PPFIA1: variants seen among roughly 807,000 people sequenced by gnomAD.
PPFIA1 encodes PPFI scaffold protein A1, also known as liprin-alpha-1.
Under a neutral mutation model 149.9 loss-of-function variants are expected in PPFIA1, and 25 were observed. The observed-to-expected ratio is 0.17, with a 90% confidence interval of 0.12 to 0.23. The LOEUF (loss-of-function observed/expected upper bound fraction) is 0.23, where lower values mean the gene tolerates loss of function less well. Ranked by LOEUF, PPFIA1 falls within the 10% of genes least tolerant of loss-of-function variation. PPFIA1 has a pLI of 1.00. For synonymous variants in PPFIA1, 549 were observed against 552.8 expected (o/e 0.99, Z 0.10); for missense variants, 1,362 against 1,506.5 (o/e 0.90, Z 1.59).
intron 15 of PPFIA1, among the ~76,000 whole-genome samples, chr11:70,346,600 G>A (rs1359501785): frequency 2.0e-5 from 3 of 152,164 alleles, no homozygotes; most frequent in Non-Finnish European, 4.4e-5. Flanking sequence ...GAAGGAGGAG[G>A]TGCAAAATAA....
intron 2 of PPFIA1, among the ~76,000 whole-genome samples, chr11:70,316,206 GGA>G (rs560674188): frequency 6.3e-4 from 96 of 152,156 alleles, no homozygotes; most frequent in Non-Finnish European, 1.1e-3. Flanking sequence ...CAAATAGTTG[GGA>G]TTACAGGCAT....
chr11:70,295,901 C>T (rs1194802306), intron 2 of PPFIA1, among the ~76,000 whole-genome samples: 7 of 151,018 alleles, frequency 4.6e-5, no homozygotes, highest in Non-Finnish European at 7.4e-5. Flanking sequence ...GGCTGCCGGG[C>T]GGAGGGTCTC....
intron 6 of PPFIA1, 85 bp downstream of exon 6, chr11:70,326,448 G>C: frequency 7.3e-7 from 1 of 1,362,716 alleles, no homozygotes; most frequent in Non-Finnish European, 1.0e-6. Flanking sequence ...AGTTGCTAAA[G>C]TACCGGCTTA....
chr11:70,290,092 T>G (rs2136198514), intron 2 of PPFIA1, among the ~76,000 whole-genome samples: 1 of 152,150 alleles, frequency 6.6e-6, no homozygotes, highest in African/African-American at 2.4e-5. Flanking sequence ...TAGCCAGGCT[T>G]GGTGGTGCAC....
At chr11:70,308,762 A>G (rs942491917) in intron 2 of PPFIA1, among the ~76,000 whole-genome samples, 3 of 152,046 alleles carry the variant, frequency 2.0e-5, no homozygotes, top group Non-Finnish European at 4.4e-5. Flanking sequence ...CATCTCTTAA[A>G]AAAACAAAAC....
chr11:70,349,991 C>T (rs1565432190), intron 16 of PPFIA1: 1 of 454,506 alleles, frequency 2.2e-6, no homozygotes, highest in Non-Finnish European at 4.4e-6. Flanking sequence ...CATCCACCTC[C>T]CCTCCCAGTT....
chr11:70,295,178 G>A (rs1271999634), intron 2 of PPFIA1, among the ~76,000 whole-genome samples: 11 of 148,894 alleles, frequency 7.4e-5, no homozygotes, highest in African/African-American at 1.2e-4. Context: ...CTGGCCGGGC[G>A]GGGGGCTGAC....
At chr11:70,324,766 TA>T in intron 3 of PPFIA1, 80 bp from the exon 4 acceptor site, 1 of 1,316,068 alleles carries the variant, frequency 7.6e-7, no homozygotes, top group African/African-American at 1.5e-5. Flanking sequence ...TATGAGACTG[TA>T]AAGGAGTTAT....
chr11:70,357,225 G>A (rs922407864), intron 19 of PPFIA1, among the ~76,000 whole-genome samples: 5 of 152,188 alleles, frequency 3.3e-5, no homozygotes, highest in Non-Finnish European at 7.3e-5. Context: ...GCTGTATGAT[G>A]ACTGTGACTG....
intron 21 of PPFIA1, chr11:70,371,242 G>A (rs1463406893): frequency 1.0e-4 from 1 of 10,016 alleles, no homozygotes; most frequent in African/African-American, 3.3e-4. Flanking sequence ...GAAGTCAAGA[G>A]AATGTACCTT....
chr11:70,353,435 A>G (rs1297150996), intron 16 of PPFIA1, among the ~76,000 whole-genome samples: 2 of 152,202 alleles, frequency 1.3e-5, no homozygotes, highest in African/African-American at 2.4e-5. Flanking sequence ...TGTTTATAGT[A>G]ATGCTTGCTG....
At position 70,309,943 on chromosome 11, in the gene PPFIA1, A is replaced by G. The variant is rs140743627; in HGVS notation, c.265-14459A>G. ...TAGATAGTGGTAATGGTAACACAGC[A>G]TTGTGAATATACTAAAAACCACTGA... On this transcript the variant is annotated intron_variant, in intron 2 of 27. Transcript: ENST00000253925. Among the ~76,000 whole-genome samples, 1,108 of 152,352 alleles carry G rather than the reference A, an allele frequency of 7.3e-3. 6 individuals carry two copies. Among genetic ancestry groups the G allele is most frequent in the Non-Finnish European group, 0.012 (807 of 68,036 alleles).
At chr11:70,332,392 A>C (rs1021876834) in intron 9 of PPFIA1, among the ~76,000 whole-genome samples, 2 of 152,180 alleles carry the variant, frequency 1.3e-5, no homozygotes, top group African/African-American at 4.8e-5. Flanking sequence ...ATAGGATAGA[A>C]GTCTCTGTAA....
At chr11:70,344,522 A>G (rs1228780971) in intron 15 of PPFIA1, among the ~76,000 whole-genome samples, 1 of 152,164 alleles carries the variant, frequency 6.6e-6, no homozygotes, top group Non-Finnish European at 1.5e-5. Flanking sequence ...TGAACCCTGA[A>G]AGGAGCGCGT....
intron 25 of PPFIA1, among the ~76,000 whole-genome samples, chr11:70,377,396 T>C (rs2057534461): frequency 6.6e-6 from 1 of 152,184 alleles, no homozygotes; most frequent in African/African-American, 2.4e-5. Context: ...AGTCTCTTAA[T>C]TGGACCTTAA....
intron 2 of PPFIA1, 101 bp downstream of exon 2, chr11:70,272,537 C>T (rs2050152981): frequency 3.7e-6 from 5 of 1,334,952 alleles, no homozygotes; most frequent in Admixed American, 2.3e-5. Context: ...TTTTCCGTAA[C>T]GATTTGTGAA....
At chr11:70,313,090 G>A (rs986203375) in intron 2 of PPFIA1, among the ~76,000 whole-genome samples, 2 of 152,174 alleles carry the variant, frequency 1.3e-5, no homozygotes, top group African/African-American at 4.8e-5. Flanking sequence ...GGCATGTTGA[G>A]CGAGCTGTAG....
At chr11:70,324,733 G>C (rs1221045451) in intron 3 of PPFIA1, 114 bp from the exon 4 acceptor site, 1 of 1,079,490 alleles carries the variant, frequency 9.3e-7, no homozygotes, top group Non-Finnish European at 1.3e-6. Context: ...TTTTTCTGCG[G>C]AATTGAAGGG....
chr11:70,359,942 G>T (rs936340159), intron 19 of PPFIA1, among the ~76,000 whole-genome samples: 1 of 152,226 alleles, frequency 6.6e-6, no homozygotes, highest in East Asian at 1.9e-4. Context: ...TTCTTCCCGT[G>T]ATTGGAACAG....
Sources: allele counts gnomAD v4.1 joint callset (sites outside exome capture counted in the v4.1 genomes callset), GRCh38; gene constraint gnomAD v4.1.1; transcripts MANE v1.5; gene names NCBI Gene and HGNC (gene_info 2026-07-23, HGNC 2026-07-21).